The following TRRAP variants were observed in gnomAD, a reference collection of about 807,000 sequenced individuals.
The protein encoded by TRRAP is transformation/transcription domain-associated protein.
Under a neutral mutation model 438.8 loss-of-function variants are expected in TRRAP, and 41 were observed. The observed-to-expected ratio is 0.09, with a 90% CI of 0.07 to 0.12. The LOEUF (loss-of-function observed/expected upper bound fraction) is 0.12. Among genes scored for constraint, TRRAP ranks in the 10% least tolerant of loss-of-function variants. The probability of loss-of-function intolerance (pLI) is 1.00; values close to 1 mark genes in which losing one functional copy is unlikely to be tolerated. For synonymous variants in TRRAP, 1,994 were observed against 1,962.9 expected (o/e 1.02, Z -0.42); for missense variants, 3,122 against 5,055.1 (o/e 0.62, Z 11.60).
At position 98,967,580 on chromosome 7, in the gene TRRAP, T is replaced by G; in HGVS notation, c.7394T>G (p.Phe2465Cys). Residue 2465 changes from phenylalanine (F) to cysteine (C), a missense_variant, in exon 51 of 73, where the codon TTT (phenylalanine) becomes TGT (cysteine). Around this residue, in one of 24 missense-constraint regions of TRRAP, gnomAD observed 992 missense variants for 1,281.2 expected, o/e 0.77. Transcript: ENST00000456197. ...RCAQPLIRAK[F>C]FEVFDNSMKR... ...GCCCAGCCACTCATCAGGGCAAAGT[T>G]TTTCGAGGTTTTTGACAACTCCATG... is the stretch of plus-strand genomic sequence containing the variant. The G allele has an allele frequency of 6.2e-7, 1 of 1,614,056 alleles. No homozygotes were observed. Among genetic ancestry groups the G allele is most frequent in the Non-Finnish European group, 8.5e-7 (1 of 1,180,022 alleles).
intron 4 of TRRAP, among the ~76,000 whole-genome samples, chr7:98,891,614 C>T (rs1167513900): frequency 6.7e-6 from 1 of 149,692 alleles, no homozygotes; most frequent in Admixed American, 6.7e-5. Context: ...CGGCTCACTG[C>T]GAGCTCCGCC....
chr7:98,923,950 A>T (rs1331230624), intron 21 of TRRAP, among the ~76,000 whole-genome samples: 1 of 152,260 alleles, frequency 6.6e-6, no homozygotes, highest in African/African-American at 2.4e-5. Context: ...TGAATAGAAT[A>T]AAAATGTGTG....
chr7:98,939,807 C>T (rs565205448), intron 30 of TRRAP, among the ~76,000 whole-genome samples: 3 of 152,316 alleles, frequency 2.0e-5, no homozygotes, highest in African/African-American at 4.8e-5. Context: ...TTGTGTATGT[C>T]TCCTCTTGAA....
chr7:99,004,272 C>A lies in TRRAP; in HGVS notation c.10392C>A (p.Ala3464=). 6.2e-7 allele frequency: 1 copy of A among 1,614,184 alleles called. No individual in the cohort carries two copies. ...KLKKWIKILE[A]KTKQLPKFFL... ...AAAAGTGGATCAAAATCTTGGAGGC[C>A]AAGACCAAGCAACTCCCCAAATTCT... Residue 3464 remains alanine, a synonymous_variant, in exon 68 of 73, where the codon GCC becomes GCA. Coordinates refer to ENST00000456197, the MANE Select transcript of TRRAP (RefSeq NM_001375524.1).
chr7:98,971,406 T>C (rs1236993182), intron 52 of TRRAP, among the ~76,000 whole-genome samples: 3 of 152,196 alleles, frequency 2.0e-5, no homozygotes, highest in Admixed American at 2.0e-4. Context: ...AGCAACATGC[T>C]CCGCCGTGGC....
At chr7:98,961,076 G>A (rs575921448) in intron 45 of TRRAP, among the ~76,000 whole-genome samples, 185 bp from the exon 46 acceptor site, 37 of 152,250 alleles carry the variant, frequency 2.4e-4, no homozygotes, top group African/African-American at 8.7e-4. Flanking sequence ...AGTTTGAGTA[G>A]TTATTTAAAG....
intron 51 of TRRAP, among the ~76,000 whole-genome samples, chr7:98,969,700 C>A (rs1456206331): frequency 2.1e-5 from 3 of 141,976 alleles, no homozygotes; most frequent in South Asian, 2.3e-4. Flanking sequence ...TCGCAACTCA[C>A]ACGGGGAAGC....
Position 98,895,747 on chromosome 7 carries a change from G to A in TRRAP, c.451-17G>A. ...TTATGAATATCTTCCTATAACGAAA[G>A]TGTCTGCTTTTTTTAGATTCATCAT... On this transcript the variant is annotated splice_polypyrimidine_tract_variant and intron_variant, in intron 6 of 72. Transcript: ENST00000456197. 9.4e-6 allele frequency: 15 copies of A among 1,591,808 alleles called. No homozygotes were observed. The highest frequency in any genetic ancestry group is 1.8e-5 in the Admixed American group (1 of 56,654).
At position 98,959,372 on chromosome 7, in the gene TRRAP, C is replaced by G. The variant is rs997438400; in HGVS notation, c.6371C>G (p.Ser2124Cys). Residue 2124 changes from serine to cysteine, a missense_variant, in exon 45 of 73, where the codon TCC becomes TGC. Transcript: ENST00000456197. ...QVNDNTNTAG[S>C]PGEVLSRRCV... is the part of the protein sequence containing the mutation. Reference sequence around the variant, plus strand: ...AATGACAACACCAACACAGCGGGGTCCCCTGGGGAGGTGCTCTCTCGCCGG... The same window carrying G: ...AATGACAACACCAACACAGCGGGGTGCCCTGGGGAGGTGCTCTCTCGCCGG... The G allele has an allele frequency of 6.2e-7, 1 of 1,614,072 alleles. No homozygotes were observed.
At chr7:99,004,854 A>G (rs529531979) in intron 68 of TRRAP, among the ~76,000 whole-genome samples, 6 of 152,278 alleles carry the variant, frequency 3.9e-5, no homozygotes, top group Non-Finnish European at 5.9e-5. Context: ...CTGCTTTTCT[A>G]TATGTCCAGA....
In TRRAP at chr7:98,916,084, T is replaced by C. The variant is rs1789508691; in HGVS notation, c.2365+196T>C. 2.0e-5 allele frequency among the ~76,000 whole-genome samples: 3 copies of C among 148,388 alleles called. No homozygotes were observed. The Admixed American group carries it at 2.0e-4, about 10-fold the overall frequency. On this transcript the variant is annotated intron_variant, in intron 19 of 72. Transcript: ENST00000456197. ...TACTGGGACTTTGAAGGGCGCTGCC[T>C]TCAGGGATGGGCCCTTCCCCTCCCT...
At chr7:98,990,289 G>A (rs1269536592) in intron 63 of TRRAP, among the ~76,000 whole-genome samples, 166 bp from the exon 64 acceptor site, 1 of 152,220 alleles carries the variant, frequency 6.6e-6, no homozygotes, top group African/African-American at 2.4e-5. Context: ...TTTATATACT[G>A]TAAGATTTAC....
At chr7:98,990,734 A>G in intron 64 of TRRAP, 115 bp downstream of exon 64, 1 of 1,121,908 alleles carries the variant, frequency 8.9e-7, no homozygotes, top group Non-Finnish European at 1.2e-6. Flanking sequence ...AACAAGTTAA[A>G]GAGATGGGAA....
At chr7:98,910,685 C>T in intron 16 of TRRAP, 78 bp downstream of exon 16, 1 of 1,242,842 alleles carries the variant, frequency 8.0e-7, no homozygotes, top group South Asian at 1.5e-5. Context: ...GGTGGGGTGG[C>T]AGTGAGAGCT....
intron 67 of TRRAP, chr7:98,999,014 C>T: frequency 1.4e-6 from 1 of 709,354 alleles, no homozygotes; most frequent in Non-Finnish European, 2.4e-6. Flanking sequence ...GGGCAGCACA[C>T]CACATCTGCC....
intron 1 of TRRAP, among the ~76,000 whole-genome samples, chr7:98,879,493 C>T (rs1232553581): frequency 1.3e-5 from 2 of 151,870 alleles, no homozygotes; most frequent in African/African-American, 2.4e-5. Flanking sequence ...GACCGTAACC[C>T]CGAGTCTTGG....
At chr7:98,940,783 T>TA (rs1790763989) in intron 30 of TRRAP, among the ~76,000 whole-genome samples, 1 of 152,306 alleles carries the variant, frequency 6.6e-6, no homozygotes, top group African/African-American at 2.4e-5. Context: ...CTTCCTGAAT[T>TA]ACACCTGCCT....
chr7:98,960,925 A>G (rs942951489), intron 45 of TRRAP, among the ~76,000 whole-genome samples: 1 of 152,128 alleles, frequency 6.6e-6, no homozygotes, highest in Non-Finnish European at 1.5e-5. Context: ...CTGGAAGGAT[A>G]TTTGTATTTT....
chr7:99,002,287 G>A lies in TRRAP; in HGVS notation c.10310-1903G>A, dbSNP rs571811619. On this transcript the variant is annotated intron_variant, in intron 67 of 72. Coordinates refer to ENST00000456197, the MANE Select transcript of TRRAP (RefSeq NM_001375524.1). ...CATACACACATGTGCGCACACACAC[G>A]TGCACACATAACTGGTGAAGTCTGA... is the stretch of plus-strand genomic sequence containing the variant. 8.5e-5 allele frequency among the ~76,000 whole-genome samples: 13 copies of A among 152,312 alleles called. 1 individual carries two copies. The South Asian group carries it at 2.5e-3, about 29-fold the overall frequency.
Sources: allele counts gnomAD v4.1 joint callset (sites outside exome capture counted in the v4.1 genomes callset), GRCh38; gene constraint gnomAD v4.1.1; regional missense constraint gnomAD v4.1.1; transcripts MANE v1.5; gene names NCBI Gene and HGNC (gene_info 2026-07-23, HGNC 2026-07-21).